INSL6: variants seen among roughly 807,000 people sequenced by gnomAD.
The protein encoded by INSL6 is insulin like 6, also known as insulin-like peptide INSL6.
Under a neutral mutation model 9.4 loss-of-function variants are expected in INSL6, and 16 were observed. That is an observed-to-expected ratio of 1.70 (90% confidence interval 1.15 to 2.59). The LOEUF (loss-of-function observed/expected upper bound fraction) is 2.59. INSL6 is among the 30% of genes most tolerant of loss of function. INSL6 has a pLI of 0.00. For synonymous variants in INSL6, 154 were observed against 96.9 expected (o/e 1.59, Z -3.46); for missense variants, 391 against 257.3 (o/e 1.52, Z -3.56).
the INSL6 span, among the ~76,000 whole-genome samples, chr9:5,002,816 A>G: frequency 6.6e-6 from 1 of 151,966 alleles, no homozygotes; most frequent in Admixed American, 6.6e-5. Flanking sequence ...ATTTAAGAAG[A>G]GTAATTTATA....
the INSL6 span, chr9:5,054,498 T>C: frequency 1.1e-5 from 15 of 1,369,648 alleles, no homozygotes; most frequent in East Asian, 2.3e-5. The surrounding 1 kb of genome is among the most constrained non-coding windows in gnomAD (Gnocchi z 4.9). Flanking sequence ...TCTTTTTCAA[T>C]TTTTAGATTT....
At chr9:4,999,933 C>T in the INSL6 span, among the ~76,000 whole-genome samples, 1 of 152,142 alleles carries the variant, frequency 6.6e-6, no homozygotes, top group Non-Finnish European at 1.5e-5. Flanking sequence ...TTCCTCATAT[C>T]TTTGCCAACA....
chr9:5,089,775 C>A, the INSL6 span: 6 of 1,599,542 alleles, frequency 3.8e-6, no homozygotes, highest in Non-Finnish European at 4.3e-6. Flanking sequence ...CTGAAGAGCA[C>A]CTAAGAGACT....
At chr9:5,154,344 A>T (rs541721777) in intron 2 of INSL6, among the ~76,000 whole-genome samples, 199 of 152,354 alleles carry the variant, frequency 1.3e-3, no homozygotes, top group Non-Finnish European at 1.9e-3. Flanking sequence ...AAAGACTTAA[A>T]TGTTAGACCT....
intron 2 of INSL6, among the ~76,000 whole-genome samples, chr9:5,138,889 T>A (rs1278478685): frequency 1.3e-5 from 2 of 148,348 alleles, no homozygotes; most frequent in African/African-American, 5.0e-5. Context: ...TGTCGGGTTG[T>A]TTTTATATAG....
intron 2 of INSL6, among the ~76,000 whole-genome samples, chr9:5,156,474 A>C (rs1824816184): frequency 6.6e-6 from 1 of 152,204 alleles, no homozygotes; most frequent in African/African-American, 2.4e-5. Context: ...ATAAAGAAGA[A>C]AGCCCCCTAC....
chr9:5,130,012 C>T (rs1824233570), intron 3 of INSL6, among the ~76,000 whole-genome samples: 1 of 152,116 alleles, frequency 6.6e-6, no homozygotes. Context: ...CAATATGTTT[C>T]ATTCTTTTTT....
chr9:5,065,424 G>T, the INSL6 span, among the ~76,000 whole-genome samples: 3 of 152,148 alleles, frequency 2.0e-5, no homozygotes, highest in Non-Finnish European at 2.9e-5. Context: ...TCTACTGAAA[G>T]GTTCAAACAC....
At chr9:5,083,038 A>G in the INSL6 span, among the ~76,000 whole-genome samples, 22 of 152,376 alleles carry the variant, frequency 1.4e-4, no homozygotes, top group African/African-American at 4.3e-4. Context: ...TGTAATGTGC[A>G]TGAACATCTT....
chr9:4,998,547 G>A, the INSL6 span, among the ~76,000 whole-genome samples: 2 of 151,924 alleles, frequency 1.3e-5, no homozygotes, highest in Admixed American at 1.3e-4. Context: ...GAGCCACCAT[G>A]CCCGGCCAAA....
intron 2 of INSL6, chr9:5,133,678 A>AC (rs920895070): frequency 7.2e-5 from 11 of 151,984 alleles, no homozygotes; most frequent in Admixed American, 1.3e-4. Context: ...CCACTCAGAG[A>AC]CCCCACCCAA....
the INSL6 span, among the ~76,000 whole-genome samples, chr9:5,039,066 G>A: frequency 6.6e-6 from 1 of 152,112 alleles, no homozygotes; most frequent in Non-Finnish European, 1.5e-5. Flanking sequence ...ATTAGTGAAA[G>A]ACTGAATGCC....
In INSL6 at chr9:5,185,330, TCC is replaced by T; in HGVS notation, c.271_272del (p.Gly91LysfsTer24). On this transcript the variant is annotated frameshift_variant, in exon 1 of 2. Coordinates refer to ENST00000381641, the MANE Select transcript of INSL6 (RefSeq NM_007179.3). LOFTEE classifies it low-confidence loss of function (END_TRUNC). ...GATTTTTACCTGGGTTTGTGCCTCT[TCC>T]CCGGGCCGGGGAAGCGGTTTGCGGG... ...ESPQTASPAR[G>X]RGTNPVSTSW... 2 of 1,614,038 alleles carry T rather than the reference TCC, an allele frequency of 1.2e-6. No homozygotes were observed. Among genetic ancestry groups the T allele is most frequent in the Non-Finnish European group, 1.7e-6 (2 of 1,179,968 alleles).
the INSL6 span, among the ~76,000 whole-genome samples, chr9:5,026,591 A>T: frequency 6.6e-6 from 1 of 152,212 alleles, no homozygotes; most frequent in East Asian, 1.9e-4. Context: ...GGATTAAAAA[A>T]ATTTTACATA....
the INSL6 span, chr9:5,073,681 C>CTTTTTTTTTTT: frequency 7.0e-7 from 1 of 1,425,788 alleles, no homozygotes; most frequent in Non-Finnish European, 9.6e-7. Flanking sequence ...ATTCTTTGTA[C>CTTTTTTTTTTT]TTTTTTTTTT....
chr9:5,080,015 C>T, the INSL6 span, among the ~76,000 whole-genome samples: 1 of 152,116 alleles, frequency 6.6e-6, no homozygotes, highest in Admixed American at 6.6e-5. Context: ...TCCATGTTGT[C>T]ATTGTTAAAG....
At chr9:5,161,046 A>G (rs12350744), downstream of INSL6, among the ~76,000 whole-genome samples, 302 of 152,278 alleles carry the variant, frequency 2.0e-3, 1 homozygote, top group African/African-American at 6.9e-3. Context: ...AACTAATCCA[A>G]AAAGTAGACG....
chr9:5,118,508 C>G, the INSL6 span, among the ~76,000 whole-genome samples: 1 of 152,130 alleles, frequency 6.6e-6, no homozygotes, highest in African/African-American at 2.4e-5. Flanking sequence ...ATGTAAATAA[C>G]AAATTTGGAT....
the INSL6 span, among the ~76,000 whole-genome samples, chr9:5,033,847 A>G: frequency 6.6e-6 from 1 of 152,308 alleles, no homozygotes; most frequent in South Asian, 2.1e-4. Context: ...GAGCAAAATA[A>G]CCAGGTAACG....
Sources: allele counts gnomAD v4.1 joint callset (sites outside exome capture counted in the v4.1 genomes callset), GRCh38; gene constraint gnomAD v4.1.1; non-coding constraint Gnocchi (gnomAD v3.1); transcripts MANE v1.5; gene names NCBI Gene and HGNC (gene_info 2026-07-23, HGNC 2026-07-21).